WDR72: variants seen among roughly 807,000 people sequenced by gnomAD.
WDR72 encodes WD repeat domain 72.
WDR72 carries 120 observed loss-of-function variants against 124.2 expected under a neutral mutation model. The ratio of observed to expected loss-of-function variants is 0.97; its 90% CI spans 0.83 to 1.12. The LOEUF (loss-of-function observed/expected upper bound fraction) is 1.12. Ranked by LOEUF, WDR72 falls within the 50% of genes most tolerant of loss-of-function variation. The pLI is 0.00. For synonymous variants in WDR72, 452 were observed against 441.7 expected (o/e 1.02, Z -0.29); for missense variants, 1,387 against 1,278.8 (o/e 1.08, Z -1.29).
intron 2 of WDR72, among the ~76,000 whole-genome samples, chr15:53,730,992 T>C (rs2018185219): frequency 6.6e-6 from 1 of 150,724 alleles, no homozygotes; most frequent in Non-Finnish European, 1.5e-5. Flanking sequence ...ATTTATTCAG[T>C]CTGGCTCTAT....
In WDR72 at chr15:53,751,040, T is replaced by C. The variant is rs138627103; in HGVS notation, c.-13+8593A>G. Reference sequence around the variant, plus strand: ...GGTAAAGTAGCAGGGTTTAAAAGGATTGACTCCAATTTTGGAAAAAGTTCT... The same window carrying C: ...GGTAAAGTAGCAGGGTTTAAAAGGACTGACTCCAATTTTGGAAAAAGTTCT... On this transcript the variant is annotated intron_variant, in intron 1 of 19. Transcript: ENST00000360509. 1.8e-3 allele frequency among the ~76,000 whole-genome samples: 270 copies of C among 152,264 alleles called. 1 individual carries two copies. The highest frequency in any genetic ancestry group is 6.3e-3 in the African/African-American group (260 of 41,552).
chr15:53,700,554 A>T (rs896987155), intron 12 of WDR72, among the ~76,000 whole-genome samples: 4 of 152,162 alleles, frequency 2.6e-5, no homozygotes, highest in African/African-American at 9.7e-5. Flanking sequence ...AGAAGTCAGC[A>T]TGTGGTTACC....
At chr15:53,602,250 A>C (rs1341009212) in intron 17 of WDR72, among the ~76,000 whole-genome samples, 1 of 152,180 alleles carries the variant, frequency 6.6e-6, no homozygotes, top group African/African-American at 2.4e-5. Flanking sequence ...TGGGTAAATG[A>C]CATTAAGGCA....
chr15:53,735,310 T>A (rs1439825373), intron 1 of WDR72, among the ~76,000 whole-genome samples: 2 of 151,842 alleles, frequency 1.3e-5, no homozygotes, highest in African/African-American at 4.8e-5. Context: ...CCATGACAAG[T>A]ATTAAGAAGA....
chr15:53,552,050 T>C (rs573271150), intron 18 of WDR72, among the ~76,000 whole-genome samples: 2 of 152,268 alleles, frequency 1.3e-5, no homozygotes, highest in African/African-American at 4.8e-5. Context: ...AGAAAATTCG[T>C]TGTTTGGAAT....
chr15:53,540,571 GA>G (rs5812690), intron 18 of WDR72, among the ~76,000 whole-genome samples: 373 of 135,124 alleles, frequency 2.8e-3, no homozygotes, highest in Non-Finnish European at 4.2e-3. Context: ...AAGGAAGAAA[GA>G]AAAAAAAAAA....
intron 13 of WDR72, among the ~76,000 whole-genome samples, chr15:53,697,555 C>T (rs772920140): frequency 4.6e-5 from 7 of 152,154 alleles, no homozygotes; most frequent in Non-Finnish European, 1.0e-4. Context: ...GTGGCCAGAG[C>T]TTCCTGATGC....
chr15:53,664,005 G>T (rs1294797523), intron 14 of WDR72, among the ~76,000 whole-genome samples: 1 of 152,038 alleles, frequency 6.6e-6, no homozygotes, highest in East Asian at 1.9e-4. Context: ...CTAATCACCG[G>T]TTTCAATATC....
chr15:53,719,271 A>AT (rs1462366426), intron 3 of WDR72, among the ~76,000 whole-genome samples: 1 of 151,546 alleles, frequency 6.6e-6, no homozygotes, highest in Non-Finnish European at 1.5e-5. Flanking sequence ...TTATACTTTC[A>AT]TTTTTTCTTT....
chr15:53,591,739 T>C (rs1429462178), intron 18 of WDR72, among the ~76,000 whole-genome samples: 1 of 149,820 alleles, frequency 6.7e-6, no homozygotes, highest in African/African-American at 2.5e-5. Context: ...CATATATACC[T>C]TCTGATGTAG....
chr15:53,701,557 T>TCACA (rs1415071283), intron 12 of WDR72, among the ~76,000 whole-genome samples: 1 of 112,332 alleles, frequency 8.9e-6, no homozygotes, highest in South Asian at 3.2e-4. Flanking sequence ...TCTCTCTCTC[T>TCACA]CTCACACACA....
chr15:53,704,318 G>A (rs370335408), intron 11 of WDR72, among the ~76,000 whole-genome samples: 1 of 152,140 alleles, frequency 6.6e-6, no homozygotes, highest in Non-Finnish European at 1.5e-5. Flanking sequence ...AGTAAAGCAT[G>A]TAGAATACAT....
intron 13 of WDR72, among the ~76,000 whole-genome samples, chr15:53,696,409 G>A (rs2017004071): frequency 6.6e-6 from 1 of 152,174 alleles, no homozygotes; most frequent in African/African-American, 2.4e-5. Context: ...TGGGCAGTCA[G>A]GATCTAAGAG....
intron 14 of WDR72, among the ~76,000 whole-genome samples, chr15:53,625,798 C>CAAA (rs5812699): frequency 2.1e-5 from 3 of 139,630 alleles, no homozygotes; most frequent in African/African-American, 7.7e-5. Context: ...ACTGTTCAGA[C>CAAA]AAAAAAAAAA....
chr15:53,645,906 T>G (rs1193106750), intron 14 of WDR72, among the ~76,000 whole-genome samples: 1 of 152,172 alleles, frequency 6.6e-6, no homozygotes, highest in Non-Finnish European at 1.5e-5. Context: ...ATATAATTTA[T>G]TGTTCAAACC....
intron 5 of WDR72, 106 bp from the exon 6 acceptor site, chr15:53,714,616 A>AAAT (rs2140557134): frequency 1.2e-6 from 1 of 848,746 alleles, no homozygotes; most frequent in African/African-American, 1.7e-5. Context: ...TGTAGATAGA[A>AAAT]AATTTTCAGC....
Position 53,705,167 on chromosome 15 carries a change from CTT to C in WDR72, c.1167_1168del (p.Ser390TyrfsTer3). 1 of 1,614,042 alleles carries C rather than the reference CTT, an allele frequency of 6.2e-7. No individual in the cohort carries two copies. Among genetic ancestry groups the C allele is most frequent in the Non-Finnish European group, 8.5e-7 (1 of 1,180,000 alleles). On this transcript the variant is annotated frameshift_variant, in exon 11 of 20. Coordinates refer to ENST00000360509, the MANE Select transcript of WDR72 (RefSeq NM_182758.4). LOFTEE classifies it high-confidence loss of function. Reference sequence around the variant, plus strand: ...AAGCCCAGAGAAATAGTCAATAATACTTTGTGACATAGTATCATGCTTATCAA... The same window carrying C: ...AAGCCCAGAGAAATAGTCAATAATACTGTGACATAGTATCATGCTTATCAA...
At chr15:53,635,365 C>A (rs959400678) in intron 14 of WDR72, among the ~76,000 whole-genome samples, 4 of 152,142 alleles carry the variant, frequency 2.6e-5, no homozygotes, top group Non-Finnish European at 4.4e-5. Context: ...GAGGTAGATC[C>A]CTTCACTTAT....
chr15:53,662,851 G>T (rs1039096697), intron 14 of WDR72, among the ~76,000 whole-genome samples: 1 of 151,970 alleles, frequency 6.6e-6, no homozygotes, highest in African/African-American at 2.4e-5. Flanking sequence ...GATCACCTAA[G>T]GCAAGGAGTT....
Sources: allele counts gnomAD v4.1 joint callset (sites outside exome capture counted in the v4.1 genomes callset), GRCh38; gene constraint gnomAD v4.1.1; transcripts MANE v1.5; gene names NCBI Gene and HGNC (gene_info 2026-07-23, HGNC 2026-07-21).